EPHA5: variants seen among roughly 807,000 people sequenced by gnomAD.
EPHA5 encodes ephrin type-A receptor 5.
In EPHA5, 60 loss-of-function variants were observed where a neutral mutation model predicts 105.0. The ratio of observed to expected loss-of-function variants is 0.57; its 90% CI spans 0.46 to 0.71. EPHA5 has a LOEUF of 0.71. EPHA5 is among the 30% of genes least tolerant of loss of function. EPHA5 has a pLI of 0.00. For missense variants in EPHA5, 1,218 were observed against 1,274.7 expected, an observed-to-expected ratio of 0.96 and a Z score of 0.68; for synonymous variants, 513 against 449.1, an observed-to-expected ratio of 1.14 and a Z score of -1.80.
At chr4:65,636,967 G>A (rs971289229) in intron 2 of EPHA5, among the ~76,000 whole-genome samples, 3 of 152,112 alleles carry the variant, frequency 2.0e-5, no homozygotes, top group African/African-American at 7.2e-5. Context: ...AATAAATGCA[G>A]CAAATTTGCA....
chr4:65,583,325 A>G (rs1490776288), intron 3 of EPHA5, among the ~76,000 whole-genome samples: 7 of 151,746 alleles, frequency 4.6e-5, no homozygotes, highest in African/African-American at 1.7e-4. Context: ...GTAAAAAAAG[A>G]AAACTAAAAT....
Position 65,365,281 on chromosome 4 carries a change from A to G in EPHA5, c.1988-79T>C, listed in dbSNP as rs555816040. On this transcript the variant is annotated intron_variant, in intron 10 of 16. Coordinates refer to ENST00000613740, the MANE Select transcript of EPHA5 (RefSeq NM_001281766.3). The stretch of plus-strand genomic sequence containing the variant: ...TAACACTTGTATGCCCTCTTAGACT[A>G]CTAAGGCTTAGATGAAAAAACAAAC... 1.8e-5 allele frequency: 21 copies of G among 1,170,176 alleles called. 1 individual carries two copies. In the East Asian group the frequency reaches 5.0e-4, roughly 28 times the overall value. The allele number at this position is 1,170,176 out of a possible 1,614,324, so 72.5% of individuals were successfully genotyped here.
chr4:65,587,578 G>C (rs1742238513), intron 3 of EPHA5, among the ~76,000 whole-genome samples: 1 of 152,048 alleles, frequency 6.6e-6, no homozygotes, highest in African/African-American at 2.4e-5. Flanking sequence ...TATGCCAAAA[G>C]GTGCCCCGAC....
In EPHA5 at chr4:65,351,313, T is replaced by C. The variant is rs1206635663; in HGVS notation, c.2445+76A>G. 6.1e-6 allele frequency: 8 copies of C among 1,320,748 alleles called. No individual in the cohort carries two copies. The East Asian group carries it at 1.9e-4, about 31-fold the overall frequency. 81.8% of individuals were successfully genotyped at this position (1,320,748 alleles called of 1,614,324 possible). The stretch of plus-strand genomic sequence containing the variant: ...TGACTTTGTTGCAGGAATGCTCTTT[T>C]AGCTATTTCTTTCAGAATCTTTAAA... On this transcript the variant is annotated intron_variant, in intron 13 of 16. Transcript: ENST00000613740.
At chr4:65,506,164 A>G (rs1031970566) in intron 3 of EPHA5, among the ~76,000 whole-genome samples, 6 of 152,082 alleles carry the variant, frequency 3.9e-5, no homozygotes, top group East Asian at 1.9e-4. Flanking sequence ...TCCATTCCCT[A>G]CAAAGGACAT....
chr4:65,446,990 T>A (rs1726604441), intron 5 of EPHA5, among the ~76,000 whole-genome samples: 1 of 149,318 alleles, frequency 6.7e-6, no homozygotes, highest in South Asian at 2.1e-4. Context: ...TTTTTTTTTT[T>A]TTTTTTTGTT....
intron 9 of EPHA5, among the ~76,000 whole-genome samples, chr4:65,366,341 G>A (rs1013620838): frequency 6.6e-6 from 1 of 151,754 alleles, no homozygotes; most frequent in African/African-American, 2.4e-5. Flanking sequence ...TTAAGACAAT[G>A]TTATTCACCG....
chr4:65,526,145 T>C (rs569745277), intron 3 of EPHA5, among the ~76,000 whole-genome samples: 2 of 152,018 alleles, frequency 1.3e-5, no homozygotes, highest in South Asian at 2.1e-4. Flanking sequence ...ATCAGATAAA[T>C]TGATGTCTGT....
At chr4:65,578,069 T>C (rs1741240582) in intron 3 of EPHA5, among the ~76,000 whole-genome samples, 1 of 152,212 alleles carries the variant, frequency 6.6e-6, no homozygotes, top group Non-Finnish European at 1.5e-5. Flanking sequence ...CTTCTTGGGA[T>C]ATCTCTATCT....
At chr4:65,476,129 T>A (rs147314072) in intron 5 of EPHA5, among the ~76,000 whole-genome samples, 1,513 of 117,360 alleles carry the variant, frequency 0.013, 15 homozygotes, top group African/African-American at 0.049. Flanking sequence ...AGAGAGAGAG[T>A]GTGTGTGTGT....
At chr4:65,359,263 G>T (rs1723593039) in intron 11 of EPHA5, among the ~76,000 whole-genome samples, 2 of 151,382 alleles carry the variant, frequency 1.3e-5, no homozygotes, top group East Asian at 3.9e-4. Flanking sequence ...AAATTAATGA[G>T]CTTGGTTCTG....
intron 5 of EPHA5, among the ~76,000 whole-genome samples, chr4:65,472,193 T>C (rs1471648350): frequency 2.6e-5 from 4 of 152,120 alleles, no homozygotes; most frequent in African/African-American, 4.8e-5. Context: ...AGTCATCAAA[T>C]CTTAAAGCTA....
At chr4:65,511,023 A>T (rs1351154314) in intron 3 of EPHA5, among the ~76,000 whole-genome samples, 3 of 152,120 alleles carry the variant, frequency 2.0e-5, no homozygotes, top group African/African-American at 7.2e-5. Flanking sequence ...ATCACTGAAG[A>T]ATGGCCAGGT....
chr4:65,498,948 C>T (rs1732217212), intron 3 of EPHA5, among the ~76,000 whole-genome samples: 1 of 148,214 alleles, frequency 6.7e-6, no homozygotes, highest in Non-Finnish European at 1.5e-5. Context: ...ATATTATTCC[C>T]TTAGTTAACT....
chr4:65,626,959 A>G (rs1296539271), intron 2 of EPHA5, among the ~76,000 whole-genome samples: 3 of 152,226 alleles, frequency 2.0e-5, no homozygotes, highest in Non-Finnish European at 4.4e-5. Flanking sequence ...TTGCAAGTCT[A>G]GGTCACTGTG....
At chr4:65,652,028 C>A (rs758989109) in intron 1 of EPHA5, among the ~76,000 whole-genome samples, 7 of 151,986 alleles carry the variant, frequency 4.6e-5, no homozygotes, top group Non-Finnish European at 8.8e-5. Context: ...GGTATGCTAA[C>A]CAAACTTGTA....
intron 3 of EPHA5, among the ~76,000 whole-genome samples, chr4:65,561,837 T>C (rs558991339): frequency 2.4e-4 from 36 of 152,200 alleles, no homozygotes; most frequent in African/African-American, 8.4e-4. Flanking sequence ...AAGATTGATA[T>C]ACCAGAAAAT....
At chr4:65,343,080 C>A (rs1349433868) in intron 14 of EPHA5, among the ~76,000 whole-genome samples, 1 of 152,090 alleles carries the variant, frequency 6.6e-6, no homozygotes, top group East Asian at 1.9e-4. Flanking sequence ...TTAGTAGAAT[C>A]TATACAGTCA....
At chr4:65,381,738 G>T (rs573284447) in intron 8 of EPHA5, among the ~76,000 whole-genome samples, 2 of 151,802 alleles carry the variant, frequency 1.3e-5, no homozygotes, top group South Asian at 4.1e-4. Flanking sequence ...TAGGAGGTAG[G>T]GTATTTGGAA....
Sources: allele counts gnomAD v4.1 joint callset (sites outside exome capture counted in the v4.1 genomes callset), GRCh38; gene constraint gnomAD v4.1.1; transcripts MANE v1.5; gene names NCBI Gene and HGNC (gene_info 2026-07-23, HGNC 2026-07-21).